ANO7: variants seen among roughly 807,000 people sequenced by gnomAD.
ANO7 encodes anoctamin 7, also known as anoctamin-7.
A neutral mutation model predicts 115.8 loss-of-function variants in ANO7; 114 were observed. The ratio of observed to expected loss-of-function variants is 0.98; its 90% CI spans 0.85 to 1.15. The LOEUF is 1.15. ANO7 is among the 50% of genes most tolerant of loss of function. The pLI is 0.00. For missense variants in ANO7, 1,302 were observed against 1,201.2 expected (o/e 1.08, Z -1.24); for synonymous variants, 550 against 498.2 (o/e 1.10, Z -1.38).
At position 241,203,515 on chromosome 2, in the gene ANO7, G is replaced by GC; in HGVS notation, c.889+23dup. On this transcript the variant is annotated intron_variant, in intron 9 of 24. Transcript: ENST00000674324. The surrounding 1 kb of genome is among the most constrained non-coding windows in gnomAD (Gnocchi z 4.8). ...CCTGGCTCGGTGAGTCCCCCCCGCTGCCCCCCAGACCACCTGGGCCCCCCC... is the reference window on the plus strand; with the variant it reads ...CCTGGCTCGGTGAGTCCCCCCCGCTGCCCCCCCAGACCACCTGGGCCCCCCC... 3.4e-6 allele frequency: 5 copies of GC among 1,450,030 alleles called. No individual in the cohort carries two copies. Among genetic ancestry groups the GC allele is most frequent in the Admixed American group, 5.1e-5 (2 of 39,098 alleles). The allele number at this position is 1,450,030 out of a possible 1,614,324, so 89.8% of individuals were successfully genotyped here.
intron 7 of ANO7, among the ~76,000 whole-genome samples, chr2:241,201,700 T>C (rs1223960341): frequency 6.6e-6 from 1 of 151,930 alleles, no homozygotes; most frequent in Non-Finnish European, 1.5e-5. Flanking sequence ...GGAGGAAGGG[T>C]GGCCCCAGGC....
At chr2:241,239,793 C>T in the ANO7 span, 1 of 1,613,940 alleles carries the variant, frequency 6.2e-7, no homozygotes, top group Non-Finnish European at 8.5e-7. The surrounding 1 kb of genome is among the most constrained non-coding windows in gnomAD (Gnocchi z 4.6). Context: ...TTGGGGTCCA[C>T]CAGCATGGAG....
chr2:241,209,107 C>T (rs1320166993), intron 11 of ANO7, among the ~76,000 whole-genome samples, 178 bp from the exon 12 acceptor site: 2 of 152,226 alleles, frequency 1.3e-5, no homozygotes, highest in Non-Finnish European at 2.9e-5. Context: ...CGAGATCGCG[C>T]CACTGCACTC....
chr2:241,202,632 C>T (rs1306477538), intron 8 of ANO7, among the ~76,000 whole-genome samples: 2 of 152,234 alleles, frequency 1.3e-5, no homozygotes, highest in Non-Finnish European at 2.9e-5. Flanking sequence ...TCCTATCCCC[C>T]TCCAGAAGCT....
chr2:241,204,921 G>A lies in ANO7; in HGVS notation c.946G>A (p.Val316Met), dbSNP rs2068554939. The change falls in exon 10 of 25, where the codon GTG becomes ATG. Residue 316 changes from valine (V) to methionine (M), a missense_variant. Val to Met is a conservative substitution (Grantham distance 21, BLOSUM62 1). Transcript: ENST00000674324. The part of the protein sequence containing the change: ...AAVVGTLVFL[V>M]GCFLVFSDIP... ...AGTGGTGGGCACACTGGTGTTCCTG[G>A]TGGGCTGCTTCCTGGTGTTCTCAGA... 3.1e-6 allele frequency: 5 copies of A among 1,614,090 alleles called. No individual in the cohort carries two copies. The highest frequency in any genetic ancestry group is 4.2e-6 in the Non-Finnish European group (5 of 1,179,996).
Position 241,203,058 on chromosome 2 carries a change from G to A in ANO7, c.724-275G>A, listed in dbSNP as rs551275406. Among the ~76,000 whole-genome samples the A allele has an allele frequency of 6.6e-6, 1 of 152,288 alleles. No individual in the cohort carries two copies. Among genetic ancestry groups the A allele is most frequent in the African/African-American group, 2.4e-5 (1 of 41,560 alleles). On this transcript the variant is annotated intron_variant, in intron 8 of 24. Transcript: ENST00000674324. The surrounding 1 kb of genome is among the most constrained non-coding windows in gnomAD (Gnocchi z 4.8). ...GCTGGACCCTGGACCACCGCCACTG[G>A]CTTCTCTCAGGGTGGCCTCTCCAGG...
chr2:241,212,338 G>C, intron 16 of ANO7, 133 bp downstream of exon 16: 2 of 983,632 alleles, frequency 2.0e-6, no homozygotes, highest in South Asian at 1.4e-5. Context: ...ACCCAGGCAG[G>C]GGACAGGGGC....
At chr2:241,213,588 A>G (rs113605233) in intron 17 of ANO7, among the ~76,000 whole-genome samples, 1,537 of 152,248 alleles carry the variant, frequency 0.01, 24 homozygotes, top group African/African-American at 0.035. Flanking sequence ...AGAAGCCCTC[A>G]AAACTGTTCC....
At position 241,188,939 on chromosome 2, in the gene ANO7, ACACT is replaced by A. The variant is rs1173578949; in HGVS notation, c.-8+176_-8+179del. Among the ~76,000 whole-genome samples the A allele has an allele frequency of 4.6e-5, 7 of 152,294 alleles. No individual in the cohort carries two copies. The highest frequency in any genetic ancestry group is 7.2e-5 in the African/African-American group (3 of 41,572). ...CCCCTTGGGGCACGAGGAGGGACAC[ACACT>A]CAGTGCGGCTCTGGACGGGGTACAC... On this transcript the variant is annotated intron_variant, in intron 1 of 24. Coordinates refer to ENST00000674324, the MANE Select transcript of ANO7 (RefSeq NM_001370694.2). The surrounding 1 kb of genome is among the most constrained non-coding windows in gnomAD (Gnocchi z 4.3).
intron 7 of ANO7, 28 bp from the exon 8 acceptor site, chr2:241,202,166 C>G (rs781298659): frequency 6.3e-7 from 1 of 1,593,130 alleles, no homozygotes; most frequent in Non-Finnish European, 8.6e-7. Context: ...TGACAAGTGA[C>G]CTGCGCCATC....
chr2:241,229,779 C>G (rs772749218), downstream of ANO7: 1 of 1,560,922 alleles, frequency 6.4e-7, no homozygotes, highest in African/African-American at 1.4e-5. Context: ...ACACCAAGCC[C>G]GCCTGCCCGC....
rs771419399 is a variant in ANO7, at chr2:241,218,287, C to A, written c.2227C>A (p.Arg743=). Residue 743 remains arginine, a synonymous_variant, in exon 21 of 25, where the codon CGG becomes AGG. Transcript: ENST00000674324. Reference sequence around the variant, plus strand: ...CGACTTCCTGCCGCGCGCCTACTACCGGTGGACCCGCGCCCACGACCTGCG... The same window carrying A: ...CGACTTCCTGCCGCGCGCCTACTACAGGTGGACCCGCGCCCACGACCTGCG... ...SSDFLPRAYY[R]WTRAHDLRGF... 2 of 1,535,654 alleles carry A rather than the reference C, an allele frequency of 1.3e-6. No homozygotes were observed. Among genetic ancestry groups the A allele is most frequent in the African/African-American group, 1.4e-5 (1 of 69,986 alleles).
chr2:241,240,019 C>G, the ANO7 span: 1 of 1,614,198 alleles, frequency 6.2e-7, no homozygotes, highest in South Asian at 1.1e-5. This position sits in a 1 kb window ranked among gnomAD's most constrained non-coding sequence, Gnocchi z 5.5. Flanking sequence ...GACACGTGCT[C>G]CAGTGCTGTC....
chr2:241,191,174 C>G lies in ANO7; in HGVS notation c.109-20C>G, dbSNP rs746562885. 1.2e-6 allele frequency: 2 copies of G among 1,613,034 alleles called. No individual in the cohort carries two copies. Among genetic ancestry groups the G allele is most frequent in the Non-Finnish European group, 1.7e-6 (2 of 1,179,166 alleles). ...CAGATGCTGATGCTGATATGCTTCTCCATCCTCCATGCCTTCCAGCCAGGT... is the reference window on the plus strand; with the variant it reads ...CAGATGCTGATGCTGATATGCTTCTGCATCCTCCATGCCTTCCAGCCAGGT... On this transcript the variant is annotated intron_variant, in intron 2 of 24. Coordinates refer to ENST00000674324, the MANE Select transcript of ANO7 (RefSeq NM_001370694.2).
At chr2:241,212,893 G>C (rs2149232228) in intron 17 of ANO7, 1 of 455,774 alleles carries the variant, frequency 2.2e-6, no homozygotes, top group African/African-American at 2.0e-5. Context: ...AGCACTTAGG[G>C]AGGCTGAGGG....
In ANO7 at chr2:241,217,823, C is replaced by A; in HGVS notation, c.2110C>A (p.Arg704Ser). Residue 704 changes from arginine (R) to serine (S), a missense_variant, in exon 20 of 25, where the codon CGC (arginine) becomes AGC (serine). Arg to Ser is a moderately radical substitution (Grantham distance 110). Transcript: ENST00000674324. ...CGAGTACCGGCGCCCGGTGGCCGAGCGCGCCCAGGACATCGGCATCTGGTT... is the reference window on the plus strand; with the variant it reads ...CGAGTACCGGCGCCCGGTGGCCGAGAGCGCCCAGGACATCGGCATCTGGTT... ...VCEYRRPVAERAQDIGIWFHI... is the reference protein window; with the variant it reads ...VCEYRRPVAESAQDIGIWFHI... 5 of 1,609,628 alleles carry A rather than the reference C, an allele frequency of 3.1e-6. No individual in the cohort carries two copies. The highest frequency in any genetic ancestry group is 4.2e-6 in the Non-Finnish European group (5 of 1,178,868).
At chr2:241,197,291 G>T (rs1332964863) in intron 4 of ANO7, among the ~76,000 whole-genome samples, 1 of 152,124 alleles carries the variant, frequency 6.6e-6, no homozygotes, top group Non-Finnish European at 1.5e-5. Flanking sequence ...GTAGAGACGG[G>T]GTTTCACCGT....
At chr2:241,199,468 C>CA (rs2068418837) in intron 5 of ANO7, 45 bp downstream of exon 5, 7 of 1,585,534 alleles carry the variant, frequency 4.4e-6, no homozygotes, top group Non-Finnish European at 6.1e-6. Flanking sequence ...AGGTCCCGGT[C>CA]CCCACACACT....
chr2:241,221,152 C>T (rs369976383), intron 21 of ANO7, among the ~76,000 whole-genome samples: 123 of 148,290 alleles, frequency 8.3e-4, no homozygotes, highest in African/African-American at 2.9e-3. Flanking sequence ...GCTCACTGCA[C>T]GCAACCTCCG....
Sources: allele counts gnomAD v4.1 joint callset (sites outside exome capture counted in the v4.1 genomes callset), GRCh38; gene constraint gnomAD v4.1.1; non-coding constraint Gnocchi (gnomAD v3.1); transcripts MANE v1.5; gene names NCBI Gene and HGNC (gene_info 2026-07-23, HGNC 2026-07-21).